CFTR: variants seen among roughly 807,000 people sequenced by gnomAD.
CFTR encodes CF transmembrane conductance regulator.
Under a neutral mutation model 171.6 loss-of-function variants are expected in CFTR, and 181 were observed. The observed-to-expected ratio is 1.05, with a 90% CI of 0.93 to 1.19. CFTR has a LOEUF of 1.19. Ranked by LOEUF, CFTR falls within the 50% of genes most tolerant of loss-of-function variation. CFTR has a pLI of 0.00. For synonymous variants in CFTR, 583 were observed against 608.0 expected (o/e 0.96, Z 0.60); for missense variants, 1,968 against 1,734.7 (o/e 1.13, Z -2.39).
In CFTR at chr7:117,579,681, A is replaced by C. The variant is rs1430458342; in HGVS notation, c.1585-8058A>C. 2.6e-5 allele frequency among the ~76,000 whole-genome samples: 4 copies of C among 151,248 alleles called. No homozygotes were observed. In the East Asian group the frequency reaches 7.7e-4, roughly 29 times the overall value. On this transcript the variant is annotated intron_variant, in intron 11 of 26. Coordinates refer to ENST00000003084, the MANE Select transcript of CFTR (RefSeq NM_000492.4). Reference sequence around the variant, plus strand: ...TAGATATTAGAGCCATTAAAAAAAAAAAAACCAAAGTGCCAAAAAACCTAG... The same window carrying C: ...TAGATATTAGAGCCATTAAAAAAAACAAAACCAAAGTGCCAAAAAACCTAG...
At position 117,638,736 on chromosome 7, in the gene CFTR, C is replaced by CATAAATAAATAAATAA. The variant is rs201930686; in HGVS notation, c.3718-3685_3718-3670dup. Reference sequence around the variant, plus strand: ...GGGTGACAAGAGCAAAACTCCATCTCATAAATAAATAAATAAATAAATAAA... The same window carrying CATAAATAAATAAATAA: ...GGGTGACAAGAGCAAAACTCCATCTCATAAATAAATAAATAAATAAATAAATAAATAAATAAATAAA... On this transcript the variant is annotated intron_variant, in intron 22 of 26. Coordinates refer to ENST00000003084, the MANE Select transcript of CFTR (RefSeq NM_000492.4). 5.0e-3 allele frequency among the ~76,000 whole-genome samples: 728 copies of CATAAATAAATAAATAA among 145,110 alleles called. 1 individual carries two copies. Among genetic ancestry groups the CATAAATAAATAAATAA allele is most frequent in the African/African-American group, 7.7e-3 (301 of 38,912 alleles).
chr7:117,615,055 AT>A (rs888259398), intron 21 of CFTR, among the ~76,000 whole-genome samples: 8 of 152,082 alleles, frequency 5.3e-5, no homozygotes, highest in African/African-American at 1.7e-4. Flanking sequence ...TGTTGTACTG[AT>A]ATATATCCCC....
chr7:117,626,817 CAA>C (rs1462468463), intron 21 of CFTR, among the ~76,000 whole-genome samples: 1 of 151,762 alleles, frequency 6.6e-6, no homozygotes, highest in Non-Finnish European at 1.5e-5. Flanking sequence ...TAAAAATTAT[CAA>C]GTCCTTTTAT....
chr7:117,531,166 G>A, intron 4 of CFTR, 52 bp downstream of exon 4: 1 of 1,392,402 alleles, frequency 7.2e-7, no homozygotes, highest in Non-Finnish European at 1.0e-6. Flanking sequence ...TATCGTACAT[G>A]TTTTAATGTC....
Position 117,627,717 on chromosome 7 carries a change from G to A in CFTR, c.3664G>A (p.Gly1222Ser). Reference protein sequence around the residue: ...VKDLTAKYTEGGNAILENISF... With the variant: ...VKDLTAKYTESGNAILENISF... ...AGATCTCACAGCAAAATACACAGAA[G>A]GTGGAAATGCCATATTAGAGAACAT... Residue 1222 changes from glycine to serine, a missense_variant, in exon 22 of 27, where the codon GGT becomes AGT. Physicochemically the swap from Gly to Ser is moderately conservative, Grantham distance 56. Transcript: ENST00000003084. The A allele has an allele frequency of 6.2e-7, 1 of 1,613,282 alleles. No individual in the cohort carries two copies. The highest frequency in any genetic ancestry group is 8.5e-7 in the Non-Finnish European group (1 of 1,179,490).
Position 117,602,809 on chromosome 7 carries a change from G to T in CFTR, c.2620-17G>T. 6.2e-7 allele frequency: 1 copy of T among 1,613,126 alleles called. No individual in the cohort carries two copies. The highest frequency in any genetic ancestry group is 8.5e-7 in the Non-Finnish European group (1 of 1,179,100). On this transcript the variant is annotated splice_polypyrimidine_tract_variant and intron_variant, in intron 15 of 26. Coordinates refer to ENST00000003084, the MANE Select transcript of CFTR (RefSeq NM_000492.4). ...AGATGTTAGAAAAAAAATCAACTGT[G>T]TCTTGTTCCATTCCAGGTGGCTGCT...
At chr7:117,647,568 C>T (rs10224175) in intron 23 of CFTR, among the ~76,000 whole-genome samples, 2,156 of 151,992 alleles carry the variant, frequency 0.014, 37 homozygotes, top group African/African-American at 0.031. Context: ...GAGAAATCCA[C>T]CCCCATGATC....
chr7:117,598,972 T>G (rs2116050723), intron 15 of CFTR, among the ~76,000 whole-genome samples: 1 of 152,312 alleles, frequency 6.6e-6, no homozygotes, highest in Non-Finnish European at 1.5e-5. Context: ...ATTCTCATTA[T>G]TATAAAACTT....
chr7:117,613,083 G>A (rs1792430635), intron 20 of CFTR, among the ~76,000 whole-genome samples: 1 of 152,120 alleles, frequency 6.6e-6, no homozygotes, highest in African/African-American at 2.4e-5. Context: ...ATGACTCTAT[G>A]AAAGGAATAT....
chr7:117,502,710 C>A (rs1397442678), intron 1 of CFTR, among the ~76,000 whole-genome samples: 1 of 152,176 alleles, frequency 6.6e-6, no homozygotes, highest in African/African-American at 2.4e-5. Context: ...CTGGCCTCAA[C>A]TATTTTCTTT....
At chr7:117,595,430 T>A (rs924788444) in intron 15 of CFTR, among the ~76,000 whole-genome samples, 18 of 150,598 alleles carry the variant, frequency 1.2e-4, no homozygotes, top group Non-Finnish European at 2.4e-4. Flanking sequence ...AGTAGAAGGC[T>A]TTTATTTGGA....
chr7:117,573,230 T>A (rs1029972107), intron 11 of CFTR, among the ~76,000 whole-genome samples: 4 of 152,186 alleles, frequency 2.6e-5, no homozygotes, highest in Non-Finnish European at 4.4e-5. Context: ...TAAACATTTA[T>A]GTGAAAAGTG....
chr7:117,542,551 A>T (rs553088281), intron 9 of CFTR, among the ~76,000 whole-genome samples: 315 of 152,254 alleles, frequency 2.1e-3, no homozygotes, highest in African/African-American at 7.0e-3. Flanking sequence ...TGTCTGAAAA[A>T]GAAAAAAAAA....
chr7:117,480,884 C>T (rs1448536393), intron 1 of CFTR, among the ~76,000 whole-genome samples: 1 of 152,110 alleles, frequency 6.6e-6, no homozygotes, highest in Non-Finnish European at 1.5e-5. Flanking sequence ...CATCTAAGTT[C>T]GGAATCTTAG....
At chr7:117,550,142 C>G (rs1202440254) in intron 10 of CFTR, among the ~76,000 whole-genome samples, 4 of 151,968 alleles carry the variant, frequency 2.6e-5, no homozygotes, top group Non-Finnish European at 4.4e-5. Flanking sequence ...TTGAGACCAG[C>G]GTGGGCAACA....
chr7:117,610,753 A>C, intron 19 of CFTR, 84 bp downstream of exon 19: 2 of 1,483,862 alleles, frequency 1.3e-6, no homozygotes, highest in African/African-American at 2.8e-5. Flanking sequence ...CTACTTAAAA[A>C]AAATTCTGCT....
rs148015072 is a variant in CFTR at position 117,514,461 on chromosome 7, A to G, written c.273+5319A>G. 4.1e-3 allele frequency among the ~76,000 whole-genome samples: 623 copies of G among 152,268 alleles called. 7 individuals are homozygous for G. The highest frequency in any genetic ancestry group is 0.012 in the African/African-American group (519 of 41,554). On this transcript the variant is annotated intron_variant, in intron 3 of 26. Transcript: ENST00000003084. ...GCTGAGGATGATAGTTTCCAGCTTC[A>G]TCCACGTCCCTGCAAAGGACATGAT...
chr7:117,501,381 A>G (rs1048572523), intron 1 of CFTR, among the ~76,000 whole-genome samples: 2 of 152,076 alleles, frequency 1.3e-5, no homozygotes, highest in East Asian at 1.9e-4. Flanking sequence ...ATTGTTAAAC[A>G]TGGCCATTAT....
intron 7 of CFTR, among the ~76,000 whole-genome samples, chr7:117,538,154 A>G (rs213935): frequency 0.56 from 84,747 of 152,030 alleles, 26,567 homozygotes; most frequent in African/African-American, 0.86. Context: ...AAGTGTTGAC[A>G]TAAATATGGG....
Sources: allele counts gnomAD v4.1 joint callset (sites outside exome capture counted in the v4.1 genomes callset), GRCh38; gene constraint gnomAD v4.1.1; transcripts MANE v1.5; gene names NCBI Gene and HGNC (gene_info 2026-07-23, HGNC 2026-07-21).